Variants in YAP1 observed in about 807,000 individuals in gnomAD.
The protein encoded by YAP1 is Yes1 associated transcriptional regulator, also known as transcriptional coactivator YAP1.
Under a neutral mutation model 56.9 loss-of-function variants are expected in YAP1, and 5 were observed. That is an observed-to-expected ratio of 0.09 (90% CI 0.05 to 0.18). The LOEUF (loss-of-function observed/expected upper bound fraction) is 0.18, where lower values mean the gene tolerates loss of function less well. Ranked by LOEUF, YAP1 falls within the 10% of genes least tolerant of loss-of-function variation. The probability of loss-of-function intolerance (pLI) is 1.00; values close to 1 mark genes in which losing one functional copy is unlikely to be tolerated. For synonymous variants in YAP1, 265 were observed against 248.1 expected (o/e 1.07, Z -0.64); for missense variants, 539 against 651.8 (o/e 0.83, Z 1.88).
chr11:102,136,695 C>T (rs1014046527), intron 2 of YAP1, among the ~76,000 whole-genome samples: 13 of 152,154 alleles, frequency 8.5e-5, no homozygotes, highest in South Asian at 4.1e-4. Flanking sequence ...TGTCTTTAAT[C>T]TTCTCAGAAT....
intron 2 of YAP1, among the ~76,000 whole-genome samples, chr11:102,144,879 T>TACAAACACTCATGCTCACACACTC (rs1333817883): frequency 2.8e-5 from 1 of 35,748 alleles, no homozygotes; most frequent in East Asian, 1.1e-3. Flanking sequence ...CACACACACA[T>TACAAACACTCATGCTCACACACTC]ACACACACTC....
At position 102,231,997 on chromosome 11, in the gene YAP1, T is replaced by G. The variant is rs111260502; in HGVS notation, c.*2057T>G. ...AGGTTGATCACTCATAATAATTGAC[T>G]CTAAGGCTTTTATTAAGAAAACAGC... On this transcript the variant is annotated 3_prime_UTR_variant, in exon 9 of 9. Coordinates refer to ENST00000282441, the MANE Select transcript of YAP1 (RefSeq NM_001130145.3). 182 of 152,710 alleles carry G rather than the reference T, an allele frequency of 1.2e-3. No homozygotes were observed. Among genetic ancestry groups the G allele is most frequent in the African/African-American group, 4.1e-3 (171 of 41,580 alleles). 9.5% of individuals were successfully genotyped at this position (152,710 alleles called of 1,614,324 possible).
In YAP1 at chr11:102,110,705, AGCCCCC is replaced by A; in HGVS notation, c.-143_-138del. The A allele has an allele frequency of 3.1e-6, 2 of 649,060 alleles. No individual in the cohort carries two copies. The highest frequency in any genetic ancestry group is 4.2e-6 in the Non-Finnish European group (2 of 480,954). The allele number at this position is 649,060 out of a possible 1,614,324, so 40.2% of individuals were successfully genotyped here. A position where few individuals can be genotyped will look rare whatever the true frequency, so the allele number is the denominator to read the frequency against. ...GGCGGGGGATGCGGGGCCGCGGCGC[AGCCCCC>A]CGGCCCTGAGAGCGAGGACAGCGCC... On this transcript the variant is annotated 5_prime_UTR_variant, in exon 1 of 9. Transcript: ENST00000282441.
chr11:102,126,602 G>A (rs1015841956), intron 2 of YAP1, among the ~76,000 whole-genome samples: 2 of 152,166 alleles, frequency 1.3e-5, no homozygotes, highest in African/African-American at 2.4e-5. Context: ...CAATTAAACC[G>A]CTTTTTCTTC....
rs148239700 is a variant in YAP1 at position 102,227,983 on chromosome 11, G to A, written c.1276+402G>A. On this transcript the variant is annotated intron_variant, in intron 8 of 8. Coordinates refer to ENST00000282441, the MANE Select transcript of YAP1 (RefSeq NM_001130145.3). ...GCTACTCAGGAGGCTGAGGTGGGAGGATGGATTGAGCCCCGGTGATCACAC... is the reference window on the plus strand; with the variant it reads ...GCTACTCAGGAGGCTGAGGTGGGAGAATGGATTGAGCCCCGGTGATCACAC... 4.3e-3 allele frequency among the ~76,000 whole-genome samples: 647 copies of A among 150,766 alleles called. 7 individuals carry two copies. Among genetic ancestry groups the A allele is most frequent in the African/African-American group, 0.014 (586 of 40,922 alleles).
At chr11:102,213,910 T>C (rs907700779) in intron 6 of YAP1, among the ~76,000 whole-genome samples, 3 of 152,116 alleles carry the variant, frequency 2.0e-5, no homozygotes, top group Admixed American at 2.0e-4. Context: ...AAAGTCCATC[T>C]CTACTAAAAA....
At chr11:102,181,558 G>A (rs1947626604) in intron 3 of YAP1, among the ~76,000 whole-genome samples, 1 of 152,108 alleles carries the variant, frequency 6.6e-6, no homozygotes, top group African/African-American at 2.4e-5. Flanking sequence ...AAGGACAAAT[G>A]TGAAATGAAT....
intron 6 of YAP1, among the ~76,000 whole-genome samples, chr11:102,211,085 A>T (rs1029176041): frequency 6.6e-6 from 1 of 152,202 alleles, no homozygotes; most frequent in African/African-American, 2.4e-5. Context: ...AATTTTATTC[A>T]TGATAAATGA....
intron 3 of YAP1, among the ~76,000 whole-genome samples, chr11:102,169,425 C>T (rs937244147): frequency 6.6e-6 from 1 of 152,012 alleles, no homozygotes; most frequent in African/African-American, 2.4e-5. Context: ...TAGTTGGTTC[C>T]TGATTCTTCT....
intron 4 of YAP1, among the ~76,000 whole-genome samples, chr11:102,197,228 A>G (rs1591389245): frequency 6.6e-6 from 1 of 152,244 alleles, no homozygotes. Flanking sequence ...CTATGCTAAT[A>G]TGGAAATATT....
At position 102,136,347 on chromosome 11, in the gene YAP1, C is replaced by CTT. The variant is rs549818441; in HGVS notation, c.572+21967_572+21968dup. 9.7e-4 allele frequency among the ~76,000 whole-genome samples: 138 copies of CTT among 142,064 alleles called. 1 individual carries two copies. Among genetic ancestry groups the CTT allele is most frequent in the Middle Eastern group, 3.6e-3 (1 of 274 alleles). The allele number at this position is 142,064 out of a possible 152,430, so 93.2% of individuals were successfully genotyped here. A position where few individuals can be genotyped will look rare whatever the true frequency, so the allele number is the denominator to read the frequency against. On this transcript the variant is annotated intron_variant, in intron 2 of 8. Transcript: ENST00000282441. ...TGCCTAGGACAGGGAGCCATTTTTCCTTTTTTTTTTTTTTTAAAACAGGGT... is the reference window on the plus strand; with the variant it reads ...TGCCTAGGACAGGGAGCCATTTTTCCTTTTTTTTTTTTTTTTTAAAACAGGGT...
At chr11:102,181,614 A>T (rs980689106) in intron 3 of YAP1, among the ~76,000 whole-genome samples, 22 of 150,184 alleles carry the variant, frequency 1.5e-4, no homozygotes, top group African/African-American at 2.4e-4. Flanking sequence ...AATAAAATTT[A>T]AAAAAAAACG....
At chr11:102,143,525 C>T (rs1389044777) in intron 2 of YAP1, among the ~76,000 whole-genome samples, 2 of 152,192 alleles carry the variant, frequency 1.3e-5, no homozygotes, top group African/African-American at 2.4e-5. Flanking sequence ...TTAGCCAGCA[C>T]ACCCCCCATA....
At chr11:102,226,162 A>G (rs926534001) in intron 7 of YAP1, among the ~76,000 whole-genome samples, 2 of 152,228 alleles carry the variant, frequency 1.3e-5, no homozygotes, top group African/African-American at 2.4e-5. Flanking sequence ...GGCAGGCAAA[A>G]TACAAACAAA....
In YAP1 at chr11:102,159,171, GTCTC is replaced by G. The variant is rs1279045642; in HGVS notation, c.573-3279_573-3276del. ...GAGTTCCTTTTCTAGTTCATTCTCT[GTCTC>G]TCTCTGTTTGTTTGTTTGTGTTTGT... is the stretch of plus-strand genomic sequence containing the variant. On this transcript the variant is annotated intron_variant, in intron 2 of 8. Coordinates refer to ENST00000282441, the MANE Select transcript of YAP1 (RefSeq NM_001130145.3). Among the ~76,000 whole-genome samples the G allele has an allele frequency of 3.3e-5, 5 of 152,186 alleles. No homozygotes were observed. The South Asian group carries it at 8.3e-4, about 25-fold the overall frequency.
intron 8 of YAP1, 28 bp from the exon 9 acceptor site, chr11:102,229,674 C>T: frequency 1.9e-6 from 3 of 1,602,140 alleles, no homozygotes. Context: ...TCAAAAAGGA[C>T]TTTGTTATCT....
At chr11:102,214,393 C>G (rs990267262) in intron 6 of YAP1, among the ~76,000 whole-genome samples, 6 of 152,104 alleles carry the variant, frequency 3.9e-5, no homozygotes, top group Non-Finnish European at 5.9e-5. Context: ...TGCACCATTA[C>G]CTCTCAACAG....
chr11:102,137,748 CTTTT>C (rs5794157), intron 2 of YAP1, among the ~76,000 whole-genome samples: 1 of 139,996 alleles, frequency 7.1e-6, no homozygotes, highest in Non-Finnish European at 1.5e-5. Flanking sequence ...GAGTCATTGA[CTTTT>C]TTTTTTTTTT....
At chr11:102,111,726 G>C (rs1400912241) in intron 1 of YAP1, among the ~76,000 whole-genome samples, 1 of 152,180 alleles carries the variant, frequency 6.6e-6, no homozygotes, top group Non-Finnish European at 1.5e-5. Flanking sequence ...TCAGTCTCCT[G>C]GGGGAGTCAA....
Sources: gnomAD v4.1 joint callset for allele counts (sites outside exome capture counted in the v4.1 genomes callset) on GRCh38, gnomAD v4.1.1 for gene constraint, MANE v1.5 for transcripts, NCBI Gene and HGNC (gene_info 2026-07-23, HGNC 2026-07-21) for gene names.